Variants in OSBPL8 observed in about 807,000 individuals in gnomAD.
OSBPL8 encodes oxysterol-binding protein-related protein 8.
In OSBPL8, 59 loss-of-function variants were observed where a neutral mutation model predicts 125.5. The ratio of observed to expected loss-of-function variants is 0.47; its 90% CI spans 0.38 to 0.58. The LOEUF is 0.58. Ranked by LOEUF, OSBPL8 falls within the 20% of genes least tolerant of loss-of-function variation. The probability of loss-of-function intolerance (pLI) is 0.00; values close to 1 mark genes in which losing one functional copy is unlikely to be tolerated. For missense variants in OSBPL8, 758 were observed against 1,047.8 expected (o/e 0.72, Z 3.82); for synonymous variants, 330 against 338.9 (o/e 0.97, Z 0.29).
Position 76,559,743 on chromosome 12 carries a change from G to A in OSBPL8, c.-414C>T, listed in dbSNP as rs541290346. ...GGCCAGGAGCGCGTCGCGGCCTAAT[G>A]TTGTCATCCGCCGCGTCGCCGCCTT... On this transcript the variant is annotated 5_prime_UTR_variant, in exon 1 of 24. Coordinates refer to ENST00000261183, the MANE Select transcript of OSBPL8 (RefSeq NM_020841.5). 1 of 152,430 alleles carries A rather than the reference G, an allele frequency of 6.6e-6. No individual in the cohort carries two copies. Among genetic ancestry groups the A allele is most frequent in the East Asian group, 1.9e-4 (1 of 5,172 alleles). The allele number at this position is 152,430 out of a possible 1,614,324, so 9.4% of individuals were successfully genotyped here. A position where few individuals can be genotyped will look rare whatever the true frequency, so the allele number is the denominator to read the frequency against.
At chr12:76,368,135 G>GAA (rs1329760453) in intron 21 of OSBPL8, among the ~76,000 whole-genome samples, 1 of 152,082 alleles carries the variant, frequency 6.6e-6, no homozygotes, top group Non-Finnish European at 1.5e-5. Context: ...TTTTATCTGG[G>GAA]AATGTCTTAA....
intron 15 of OSBPL8, among the ~76,000 whole-genome samples, chr12:76,380,761 G>C (rs1312620200): frequency 6.6e-6 from 1 of 151,914 alleles, no homozygotes; most frequent in African/African-American, 2.4e-5. Context: ...TACTGCATTG[G>C]CTAGGACCTC....
chr12:76,528,968 A>G (rs1950259856), intron 1 of OSBPL8, among the ~76,000 whole-genome samples: 1 of 152,200 alleles, frequency 6.6e-6, no homozygotes, highest in Non-Finnish European at 1.5e-5. Context: ...GAATTAACCA[A>G]GGATACCAAA....
At chr12:76,387,811 A>G (rs901393451) in intron 12 of OSBPL8, among the ~76,000 whole-genome samples, 2 of 152,142 alleles carry the variant, frequency 1.3e-5, no homozygotes, top group Admixed American at 1.3e-4. Flanking sequence ...CTTGGTTTAA[A>G]TTCCCTTACT....
intron 4 of OSBPL8, among the ~76,000 whole-genome samples, chr12:76,427,134 C>G (rs1468241637): frequency 6.6e-6 from 1 of 151,990 alleles, no homozygotes; most frequent in Non-Finnish European, 1.5e-5. Context: ...ACATTCTTTA[C>G]GTTAAAGGTT....
At chr12:76,493,126 T>TTC (rs1878909140) in intron 1 of OSBPL8, among the ~76,000 whole-genome samples, 1 of 152,174 alleles carries the variant, frequency 6.6e-6, no homozygotes, top group Admixed American at 6.5e-5. Flanking sequence ...GTCCATTGCC[T>TTC]TCTCTGAGTC....
At chr12:76,403,619 A>C (rs1385645708) in intron 5 of OSBPL8, among the ~76,000 whole-genome samples, 1 of 152,142 alleles carries the variant, frequency 6.6e-6, no homozygotes, top group Admixed American at 6.5e-5. Context: ...AATTAAACAT[A>C]CTCCTTCAAT....
chr12:76,466,990 C>T (rs1875523971), intron 2 of OSBPL8, among the ~76,000 whole-genome samples: 1 of 151,976 alleles, frequency 6.6e-6, no homozygotes, highest in African/African-American at 2.4e-5. Context: ...TTTTTTAATC[C>T]TGAGTCATCT....
chr12:76,535,529 C>A (rs1382864618), intron 1 of OSBPL8, among the ~76,000 whole-genome samples: 1 of 152,114 alleles, frequency 6.6e-6, no homozygotes, highest in Non-Finnish European at 1.5e-5. Flanking sequence ...GGTACAGCTA[C>A]TCTTAAGTAT....
chr12:76,503,181 G>A (rs1035905593), intron 1 of OSBPL8, among the ~76,000 whole-genome samples: 7 of 152,158 alleles, frequency 4.6e-5, no homozygotes, highest in Non-Finnish European at 5.9e-5. Flanking sequence ...AATAAAATAC[G>A]ACAAACTGGG....
At chr12:76,542,704 T>C (rs1368254332) in intron 1 of OSBPL8, among the ~76,000 whole-genome samples, 2 of 152,176 alleles carry the variant, frequency 1.3e-5, no homozygotes, top group Non-Finnish European at 2.9e-5. Context: ...TCACTTAGCA[T>C]CCAGAGAGAT....
intron 7 of OSBPL8, among the ~76,000 whole-genome samples, chr12:76,398,668 C>A (rs1250876922): frequency 6.6e-6 from 1 of 152,116 alleles, no homozygotes; most frequent in Non-Finnish European, 1.5e-5. Flanking sequence ...TATACTTTTA[C>A]TGTAAAACAT....
chr12:76,553,926 A>C (rs903307588), intron 1 of OSBPL8, among the ~76,000 whole-genome samples: 1 of 146,656 alleles, frequency 6.8e-6, no homozygotes. Flanking sequence ...GCAGTGAGCC[A>C]AGATCACACT....
At chr12:76,531,631 T>G (rs1052678285) in intron 1 of OSBPL8, among the ~76,000 whole-genome samples, 1 of 152,074 alleles carries the variant, frequency 6.6e-6, no homozygotes, top group Non-Finnish European at 1.5e-5. Context: ...GGGGGAGAGA[T>G]AACTGAATTA....
intron 2 of OSBPL8, among the ~76,000 whole-genome samples, chr12:76,482,411 C>T (rs1017054794): frequency 6.6e-6 from 1 of 152,062 alleles, no homozygotes; most frequent in South Asian, 2.1e-4. Context: ...GTCGGGAGTT[C>T]GAGACCAGCC....
At chr12:76,385,864 A>T (rs1953287568) in intron 14 of OSBPL8, among the ~76,000 whole-genome samples, 1 of 151,924 alleles carries the variant, frequency 6.6e-6, no homozygotes, top group Non-Finnish European at 1.5e-5. Flanking sequence ...TTTGAGCATG[A>T]TCAAAAGTTG....
intron 2 of OSBPL8, among the ~76,000 whole-genome samples, chr12:76,469,050 T>C (rs1379093997): frequency 6.6e-6 from 1 of 152,200 alleles, no homozygotes; most frequent in Non-Finnish European, 1.5e-5. Flanking sequence ...CTCTAGCATT[T>C]GCCACTGCTG....
At chr12:76,400,218 T>C (rs956493669) in intron 6 of OSBPL8, among the ~76,000 whole-genome samples, 5 of 152,190 alleles carry the variant, frequency 3.3e-5, no homozygotes, top group Non-Finnish European at 7.3e-5. Flanking sequence ...TGTGTGTCCA[T>C]GTGTTCTCAT....
chr12:76,512,192 T>A (rs1056793368), intron 1 of OSBPL8, among the ~76,000 whole-genome samples: 2 of 152,224 alleles, frequency 1.3e-5, no homozygotes, highest in African/African-American at 4.8e-5. Flanking sequence ...TTCTTATCCT[T>A]TAACTCCCAC....
Sources: allele counts gnomAD v4.1 joint callset (sites outside exome capture counted in the v4.1 genomes callset), GRCh38; gene constraint gnomAD v4.1.1; transcripts MANE v1.5; gene names NCBI Gene and HGNC (gene_info 2026-07-23, HGNC 2026-07-21).